Variants in MYCBP2 observed in about 807,000 individuals in gnomAD.
MYCBP2 encodes E3 ubiquitin-protein ligase MYCBP2.
Under a neutral mutation model 525.3 loss-of-function variants are expected in MYCBP2, and 120 were observed. The ratio of observed to expected loss-of-function variants is 0.23; its 90% CI spans 0.20 to 0.27. MYCBP2 has a LOEUF of 0.27. Ranked by LOEUF, MYCBP2 falls within the 10% of genes least tolerant of loss-of-function variation. The pLI is 1.00. For missense variants in MYCBP2, 4,149 were observed against 5,657.1 expected, an observed-to-expected ratio of 0.73 and a Z score of 8.55; for synonymous variants, 1,894 against 1,955.8, an observed-to-expected ratio of 0.97 and a Z score of 0.83.
chr13:77,310,460 T>A (rs933880100), intron 1 of MYCBP2, among the ~76,000 whole-genome samples: 2 of 152,196 alleles, frequency 1.3e-5, no homozygotes. Flanking sequence ...TTATATATAT[T>A]GTCTGTGGTT....
At position 77,077,327 on chromosome 13, in the gene MYCBP2, G is replaced by C; in HGVS notation, c.11545C>G (p.His3849Asp). 1 of 1,613,986 alleles carries C rather than the reference G, an allele frequency of 6.2e-7. No individual in the cohort carries two copies. Among genetic ancestry groups the C allele is most frequent in the South Asian group, 1.1e-5 (1 of 91,082 alleles). ...CCTTTTAATTCAATTTTTATGATGT[G>C]ATTATCCCCTCCTGGAAGTTCACTT... ...VTSELPGGDN[H>D]IIKIELKGPE... The change falls in exon 67 of 83, where the codon CAC (histidine) becomes GAC (aspartate). Residue 3849 changes from histidine to aspartate, a missense_variant. Transcript: ENST00000544440.
intron 1 of MYCBP2, among the ~76,000 whole-genome samples, chr13:77,306,904 T>C (rs1003272723): frequency 8.6e-5 from 13 of 152,002 alleles, no homozygotes; most frequent in Non-Finnish European, 1.6e-4. Context: ...CAAGAACATG[T>C]GTATCAAATT....
At chr13:77,106,340 T>A (rs914838004) in intron 55 of MYCBP2, among the ~76,000 whole-genome samples, 1 of 152,298 alleles carries the variant, frequency 6.6e-6, no homozygotes, top group Admixed American at 6.5e-5. Flanking sequence ...GTTGATTTCT[T>A]ACTATGTTCT....
intron 4 of MYCBP2, among the ~76,000 whole-genome samples, chr13:77,276,719 C>T (rs906339898): frequency 6.6e-6 from 1 of 150,966 alleles, no homozygotes; most frequent in African/African-American, 2.4e-5. Context: ...TAGAGTGCAG[C>T]GCAGTGGCAT....
At chr13:77,242,985 G>T in intron 17 of MYCBP2, 74 bp downstream of exon 17, 1 of 1,260,014 alleles carries the variant, frequency 7.9e-7, no homozygotes, top group Non-Finnish European at 1.1e-6. Flanking sequence ...TTTATTGTGT[G>T]AACTTTTCAG....
chr13:77,152,778 C>T (rs953609237), intron 46 of MYCBP2, among the ~76,000 whole-genome samples: 8 of 152,116 alleles, frequency 5.3e-5, no homozygotes, highest in South Asian at 4.1e-4. Flanking sequence ...TGATAAAATC[C>T]GCCGTGGCTG....
chr13:77,263,886 G>A (rs2073695090), intron 9 of MYCBP2, 43 bp downstream of exon 9: 8 of 1,606,318 alleles, frequency 5.0e-6, no homozygotes, highest in Non-Finnish European at 6.0e-6. Flanking sequence ...TTAAGGAAAA[G>A]GAATTCCATT....
intron 41 of MYCBP2, 83 bp from the exon 42 acceptor site, chr13:77,165,474 T>C (rs2058423897): frequency 2.0e-6 from 2 of 995,144 alleles, no homozygotes; most frequent in African/African-American, 3.3e-5. Flanking sequence ...GGACTTTCTC[T>C]TTTATCACAA....
At chr13:77,080,351 G>A (rs1314148140) in intron 65 of MYCBP2, among the ~76,000 whole-genome samples, 2 of 152,152 alleles carry the variant, frequency 1.3e-5, no homozygotes, top group Non-Finnish European at 2.9e-5. Flanking sequence ...GGAGAAGCCA[G>A]GCAATGGTTC....
Position 77,051,795 on chromosome 13 carries a change from A to C in MYCBP2, c.13755+16T>G, listed in dbSNP as rs1239531640. 1.9e-6 allele frequency: 3 copies of C among 1,590,720 alleles called. No homozygotes were observed. The highest frequency in any genetic ancestry group is 2.6e-6 in the Non-Finnish European group (3 of 1,160,300). On this transcript the variant is annotated intron_variant, in intron 81 of 82. Transcript: ENST00000544440. The stretch of plus-strand genomic sequence containing the variant: ...ACATTTCTAAACTGTTGTTTCTAAT[A>C]AAATGTTCTGCCTACCTGAGCCCTG...
chr13:77,121,177 G>T (rs2050629313), intron 55 of MYCBP2, 196 bp downstream of exon 55: 2 of 444,018 alleles, frequency 4.5e-6, no homozygotes, highest in Non-Finnish European at 7.0e-6. Context: ...GCCAAAACTG[G>T]TTAAAAACAA....
intron 59 of MYCBP2, among the ~76,000 whole-genome samples, chr13:77,090,948 A>G (rs2045298456): frequency 6.6e-6 from 1 of 152,188 alleles, no homozygotes; most frequent in Admixed American, 6.5e-5. Context: ...GACACATTTT[A>G]TAAAAAAAGA....
chr13:77,047,425 TGGATAGAG>T (rs897496462), intron 82 of MYCBP2, among the ~76,000 whole-genome samples: 4 of 152,064 alleles, frequency 2.6e-5, no homozygotes, highest in Non-Finnish European at 5.9e-5. Context: ...TAGAAAGAAA[TGGATAGAG>T]GGATTATGCT....
chr13:77,326,695 G>A lies in MYCBP2; in HGVS notation c.81C>T (p.Thr27=), dbSNP rs1214268176. ...CCCCCGGCGCCGGGGAGGAAGAGAA[G>A]GTGGCGGCTGGGTAGAATCCGTCCC... ...LGGDGFYPAA[T]FSSSPAPGAL... is the part of the protein sequence containing the mutation. Residue 27 remains threonine (T), a synonymous_variant, in exon 1 of 83, where the codon ACC becomes ACT. Transcript: ENST00000544440. This position sits in a 1 kb window ranked among gnomAD's most constrained non-coding sequence, Gnocchi z 4.2. 9.7e-6 allele frequency: 14 copies of A among 1,441,946 alleles called. No homozygotes were observed. Among genetic ancestry groups the A allele is most frequent in the Non-Finnish European group, 1.3e-5 (14 of 1,106,348 alleles). 89.3% of individuals were successfully genotyped at this position (1,441,946 alleles called of 1,614,324 possible). A position where few individuals can be genotyped will look rare whatever the true frequency, so the allele number is the denominator to read the frequency against.
In MYCBP2 at chr13:77,077,348, C is replaced by T. The variant is rs1566415492; in HGVS notation, c.11524G>A (p.Glu3842Lys). ...ATGTGATTATCCCCTCCTGGAAGTT[C>T]ACTTGTTACCCAGCCAATGTGCCTG... ...DSRHIGWVTSELPGGDNHIIK... is the reference protein window; with the variant it reads ...DSRHIGWVTSKLPGGDNHIIK... Residue 3842 changes from glutamate (E) to lysine (K), a missense_variant, in exon 67 of 83, where the codon GAA becomes AAA. Physicochemically the swap from Glu to Lys is moderately conservative, Grantham distance 56. This residue lies in a region of MYCBP2 where 509 missense variants were observed against 789.4 expected (regional missense o/e 0.64). Coordinates refer to ENST00000544440, the MANE Select transcript of MYCBP2 (RefSeq NM_015057.5). 6.2e-7 allele frequency: 1 copy of T among 1,613,986 alleles called. No individual in the cohort carries two copies. The highest frequency in any genetic ancestry group is 1.1e-5 in the South Asian group (1 of 91,066).
Position 77,061,304 on chromosome 13 carries a change from A to G in MYCBP2, c.12904-3T>C. The G allele has an allele frequency of 6.3e-7, 1 of 1,594,352 alleles. No homozygotes were observed. The highest frequency in any genetic ancestry group is 2.3e-5 in the East Asian group (1 of 44,360). ...GCTTCTTCTTCTTCTTTGAAGACCT[A>G]TTATTTCATTAAAGAACAGGGAAAA... On this transcript the variant is annotated splice_region_variant and splice_polypyrimidine_tract_variant and intron_variant, in intron 75 of 82. Coordinates refer to ENST00000544440, the MANE Select transcript of MYCBP2 (RefSeq NM_015057.5).
chr13:77,115,048 G>A (rs1267505709), intron 55 of MYCBP2, among the ~76,000 whole-genome samples: 1 of 151,806 alleles, frequency 6.6e-6, no homozygotes, highest in East Asian at 1.9e-4. Context: ...CTAAGAGAAA[G>A]AAATAAATTC....
In MYCBP2 at chr13:77,181,692, C is replaced by G. The variant is rs774558368; in HGVS notation, c.4941+9G>C. The G allele has an allele frequency of 1.8e-5, 29 of 1,611,380 alleles. No individual in the cohort carries two copies. The highest frequency in any genetic ancestry group is 3.3e-5 in the Admixed American group (2 of 59,934). ...GCCTCTGTATAAAAGATTTCAGAGA[C>G]AGACCTACCTGGCTGAGTTTTTCCA... On this transcript the variant is annotated intron_variant, in intron 33 of 82. Coordinates refer to ENST00000544440, the MANE Select transcript of MYCBP2 (RefSeq NM_015057.5).
chr13:77,170,480 A>G (rs1236011018), intron 38 of MYCBP2, among the ~76,000 whole-genome samples: 1 of 152,202 alleles, frequency 6.6e-6, no homozygotes, highest in African/African-American at 2.4e-5. Flanking sequence ...ACCTGGGGAT[A>G]AATCTAATAG....
Sources: allele counts gnomAD v4.1 joint callset (sites outside exome capture counted in the v4.1 genomes callset), GRCh38; gene constraint gnomAD v4.1.1; regional missense constraint gnomAD v4.1.1; non-coding constraint Gnocchi (gnomAD v3.1); transcripts MANE v1.5; gene names NCBI Gene and HGNC (gene_info 2026-07-23, HGNC 2026-07-21).